Variants in PIK3C2G observed in about 807,000 individuals in gnomAD.
The protein encoded by PIK3C2G is phosphatidylinositol-4-phosphate 3-kinase catalytic subunit type 2 gamma.
PIK3C2G carries 168 observed loss-of-function variants against 181.1 expected under a neutral mutation model. The observed-to-expected ratio is 0.93, with a 90% CI of 0.82 to 1.05. The LOEUF (loss-of-function observed/expected upper bound fraction) is 1.05, where lower values mean the gene tolerates loss of function less well. Ranked by LOEUF, PIK3C2G falls within the 50% of genes least tolerant of loss-of-function variation. The probability of loss-of-function intolerance (pLI) is 0.00; values close to 1 mark genes in which losing one functional copy is unlikely to be tolerated. For missense variants in PIK3C2G, 1,869 were observed against 1,732.8 expected (o/e 1.08, Z -1.40); for synonymous variants, 573 against 592.2 (o/e 0.97, Z 0.47).
At chr12:18,470,360 T>C (rs1938342697) in intron 18 of PIK3C2G, among the ~76,000 whole-genome samples, 2 of 152,064 alleles carry the variant, frequency 1.3e-5, no homozygotes, top group Non-Finnish European at 1.5e-5. Context: ...GGGTCTCTAA[T>C]ACTTGGTCAG....
At chr12:18,407,830 T>G (rs1944625591) in intron 16 of PIK3C2G, among the ~76,000 whole-genome samples, 1 of 152,150 alleles carries the variant, frequency 6.6e-6, no homozygotes, top group South Asian at 2.1e-4. Context: ...GACTAAGTCT[T>G]GAGACAGGAA....
chr12:18,608,778 T>C (rs1031686660), intron 30 of PIK3C2G, among the ~76,000 whole-genome samples: 1 of 151,988 alleles, frequency 6.6e-6, no homozygotes, highest in African/African-American at 2.4e-5. Context: ...GGCTGAGAAA[T>C]TTAGACCTTT....
chr12:18,549,960 A>G (rs553586861), intron 26 of PIK3C2G, among the ~76,000 whole-genome samples: 53 of 151,936 alleles, frequency 3.5e-4, no homozygotes, highest in African/African-American at 1.2e-3. Flanking sequence ...GAAATATCCC[A>G]TGAGGCTCAC....
At chr12:18,245,513 A>G (rs954855027), upstream of PIK3C2G, among the ~76,000 whole-genome samples, 1 of 152,032 alleles carries the variant, frequency 6.6e-6, no homozygotes, top group East Asian at 1.9e-4. Context: ...AATCTACTGT[A>G]TCCTCACAAG....
At chr12:18,368,733 A>G (rs577594468) in intron 12 of PIK3C2G, among the ~76,000 whole-genome samples, 2 of 152,302 alleles carry the variant, frequency 1.3e-5, no homozygotes, top group South Asian at 2.1e-4. Flanking sequence ...TAGCTGCTCT[A>G]TAACCACGCT....
intron 25 of PIK3C2G, among the ~76,000 whole-genome samples, chr12:18,541,690 C>T (rs1944163399): frequency 6.6e-6 from 1 of 151,882 alleles, no homozygotes; most frequent in Admixed American, 6.6e-5. Flanking sequence ...TATTCATTAC[C>T]TGTATCTGTT....
the PIK3C2G span, among the ~76,000 whole-genome samples, chr12:18,660,987 AT>A: frequency 6.6e-6 from 1 of 152,192 alleles, no homozygotes; most frequent in South Asian, 2.1e-4. Flanking sequence ...CCAAAATGAA[AT>A]TCTGGAACTG....
rs555518314 is a variant in PIK3C2G, at chr12:18,513,691, CTAGT to C, written c.3323+8235_3323+8238del. ...TATTTGAATAGTCTTTCTTTTTTTC[CTAGT>C]TAGTCTAGTAAGCAGTTTGTATCAC... On this transcript the variant is annotated intron_variant, in intron 24 of 32. Transcript: ENST00000538779. Among the ~76,000 whole-genome samples, 220 of 151,046 alleles carry C rather than the reference CTAGT, an allele frequency of 1.5e-3. 1 individual carries two copies. The highest frequency in any genetic ancestry group is 4.8e-3 in the African/African-American group (197 of 41,284).
Position 18,355,308 on chromosome 12 carries a change from G to C in PIK3C2G, c.1626-7456G>C, listed in dbSNP as rs12311704. On this transcript the variant is annotated intron_variant, in intron 11 of 32. Transcript: ENST00000538779. ...AGCCAGCAGGGCTCACTCTTCTGTT[G>C]CCTCCCTATCGTAAGCAGAGTGCTG... Among the ~76,000 whole-genome samples the C allele has an allele frequency of 4.2e-3, 633 of 152,312 alleles. 1 individual carries two copies. Among genetic ancestry groups the C allele is most frequent in the African/African-American group, 0.014 (591 of 41,562 alleles).
At chr12:18,647,558 G>A (rs528984585) in intron 32 of PIK3C2G, among the ~76,000 whole-genome samples, 1 of 151,840 alleles carries the variant, frequency 6.6e-6, no homozygotes, top group Middle Eastern at 3.4e-3. Context: ...ATATTTATGG[G>A]GTATAAAAGG....
At chr12:18,457,888 G>T (rs1947713309) in intron 18 of PIK3C2G, among the ~76,000 whole-genome samples, 1 of 151,982 alleles carries the variant, frequency 6.6e-6, no homozygotes, top group Admixed American at 6.6e-5. Flanking sequence ...TATTTAATTA[G>T]AATCTAAATA....
At chr12:18,316,567 T>C (rs1364571470) in intron 6 of PIK3C2G, among the ~76,000 whole-genome samples, 3 of 152,158 alleles carry the variant, frequency 2.0e-5, no homozygotes, top group African/African-American at 7.2e-5. Context: ...ATTCAGCAAC[T>C]CATAGGCAAA....
chr12:18,268,991 A>G (rs1394429967), intron 1 of PIK3C2G, among the ~76,000 whole-genome samples: 1 of 151,958 alleles, frequency 6.6e-6, no homozygotes, highest in East Asian at 1.9e-4. Context: ...TCAGTGCTCC[A>G]ACCTCCACCT....
intron 18 of PIK3C2G, among the ~76,000 whole-genome samples, chr12:18,464,972 G>C (rs1321395101): frequency 2.0e-5 from 3 of 151,488 alleles, no homozygotes; most frequent in African/African-American, 7.3e-5. Flanking sequence ...TATTTTAAAG[G>C]ATTTTTTATT....
At chr12:18,526,664 T>C (rs1943252337) in intron 24 of PIK3C2G, among the ~76,000 whole-genome samples, 1 of 152,170 alleles carries the variant, frequency 6.6e-6, no homozygotes, top group Non-Finnish European at 1.5e-5. Flanking sequence ...GTTTTGTTTT[T>C]TAACCTGATG....
chr12:18,341,578 C>A (rs1038675464), intron 9 of PIK3C2G, among the ~76,000 whole-genome samples: 1 of 152,128 alleles, frequency 6.6e-6, no homozygotes, highest in African/African-American at 2.4e-5. Flanking sequence ...GAGCAGACTG[C>A]TGAAAGCTCA....
At chr12:18,696,322 C>CTATATATATATATATATATATATA in the PIK3C2G span, 1,290 of 267,234 alleles carry the variant, frequency 4.8e-3, 87 homozygotes, top group African/African-American at 0.015. Flanking sequence ...TAAAAAGCCA[C>CTATATATATATATATATATATATA]TATATATATA....
intron 31 of PIK3C2G, among the ~76,000 whole-genome samples, chr12:18,615,425 G>T (rs1174284854): frequency 6.9e-6 from 1 of 145,280 alleles, no homozygotes; most frequent in African/African-American, 2.6e-5. Flanking sequence ...CCTAAATGTG[G>T]TATATATATA....
chr12:18,284,847 G>C (rs914433997), intron 2 of PIK3C2G, among the ~76,000 whole-genome samples: 1 of 152,014 alleles, frequency 6.6e-6, no homozygotes, highest in Non-Finnish European at 1.5e-5. Flanking sequence ...AAAACACAGG[G>C]ATCACATAAA....
Sources: gnomAD v4.1 joint callset for allele counts (sites outside exome capture counted in the v4.1 genomes callset) on GRCh38, gnomAD v4.1.1 for gene constraint, MANE v1.5 for transcripts, NCBI Gene and HGNC (gene_info 2026-07-23, HGNC 2026-07-21) for gene names.